Variants in UHMK1 observed in about 807,000 individuals in gnomAD.
The protein encoded by UHMK1 is U2AF homology motif kinase 1.
Under a neutral mutation model 44.0 loss-of-function variants are expected in UHMK1, and 18 were observed. The observed-to-expected ratio is 0.41, with a 90% CI of 0.28 to 0.61. The LOEUF (loss-of-function observed/expected upper bound fraction) is 0.61, where lower values mean the gene tolerates loss of function less well. Among genes scored for constraint, UHMK1 ranks in the 20% least tolerant of loss-of-function variants. The pLI is 0.31. For synonymous variants in UHMK1, 231 were observed against 198.5 expected (o/e 1.16, Z -1.38); for missense variants, 463 against 522.5 (o/e 0.89, Z 1.11).
chr1:162,507,904 A>T, intron 4 of UHMK1, among the ~76,000 whole-genome samples: 1 of 152,020 alleles, frequency 6.6e-6, no homozygotes, highest in East Asian at 1.9e-4. Context: ...ATTTTTAAAA[A>T]TATCCTCCTT....
intron 6 of UHMK1, among the ~76,000 whole-genome samples, chr1:162,516,254 A>C (rs980856724): frequency 1.3e-5 from 2 of 152,232 alleles, no homozygotes; most frequent in Non-Finnish European, 2.9e-5. Flanking sequence ...TACCTTTGTT[A>C]CTTCTGATGA....
chr1:162,498,107 C>G lies in UHMK1; in HGVS notation c.107C>G (p.Ser36Trp). Residue 36 changes from serine (S) to tryptophan (W), a missense_variant, in exon 1 of 8, where the codon TCG becomes TGG. Ser to Trp is a radical substitution (Grantham distance 177). Coordinates refer to ENST00000489294, the MANE Select transcript of UHMK1 (RefSeq NM_175866.5). ...QSRLGSGSSA[S>W]VYRVRCCGNP... The stretch of plus-strand genomic sequence containing the variant: ...CGTCTGGGTAGCGGCTCCTCCGCCT[C>G]GGTGTATCGGGTTCGCTGCTGCGGC... 6.2e-7 allele frequency: 1 copy of G among 1,612,262 alleles called. No individual in the cohort carries two copies. The highest frequency in any genetic ancestry group is 8.5e-7 in the Non-Finnish European group (1 of 1,179,610).
chr1:162,523,083 T>G lies in UHMK1; in HGVS notation c.*533T>G, dbSNP rs1358590746. ...TGTGAATTTTTTCTTAAAGCAGTACTGTAGTACTGAATATTCCTTTAAAGG... is the reference window on the plus strand; with the variant it reads ...TGTGAATTTTTTCTTAAAGCAGTACGGTAGTACTGAATATTCCTTTAAAGG... On this transcript the variant is annotated 3_prime_UTR_variant, in exon 8 of 8. Coordinates refer to ENST00000489294, the MANE Select transcript of UHMK1 (RefSeq NM_175866.5). The G allele has an allele frequency of 6.5e-6, 1 of 153,424 alleles. No individual in the cohort carries two copies. Among genetic ancestry groups the G allele is most frequent in the African/African-American group, 2.4e-5 (1 of 41,448 alleles). The allele number at this position is 153,424 out of a possible 1,614,324, so 9.5% of individuals were successfully genotyped here.
chr1:162,504,227 T>A (rs538882878), intron 4 of UHMK1, among the ~76,000 whole-genome samples: 17 of 152,334 alleles, frequency 1.1e-4, no homozygotes, highest in African/African-American at 3.4e-4. Flanking sequence ...GATAGTTTTT[T>A]ATTATACTTT....
chr1:162,508,093 A>T (rs991287703), intron 4 of UHMK1, among the ~76,000 whole-genome samples: 14 of 151,490 alleles, frequency 9.2e-5, no homozygotes, highest in African/African-American at 3.2e-4. Flanking sequence ...ATCGTTTTTT[A>T]AAAATGTCTA....
chr1:162,507,503 A>T (rs939060217), intron 4 of UHMK1, among the ~76,000 whole-genome samples: 1 of 149,986 alleles, frequency 6.7e-6, no homozygotes, highest in Non-Finnish European at 1.5e-5. Flanking sequence ...CTGGTCTTGA[A>T]CTCAAGTGAC....
At chr1:162,501,300 G>T (rs1047607523) in intron 3 of UHMK1, among the ~76,000 whole-genome samples, 196 bp downstream of exon 3, 2 of 152,070 alleles carry the variant, frequency 1.3e-5, no homozygotes, top group Non-Finnish European at 2.9e-5. Context: ...CTCCTGAGTA[G>T]CTGGGATTAC....
In UHMK1 at chr1:162,498,145, C is replaced by T. The variant is rs767864729; in HGVS notation, c.145C>T (p.Pro49Ser). The stretch of plus-strand genomic sequence containing the variant: ...TCGCTGCTGCGGCAACCCTGGCTCG[C>T]CCCCCGGCGCCCTCAAGCAGTTCTT... ...RVRCCGNPGSPPGALKQFLPP... is the reference protein window; with the variant it reads ...RVRCCGNPGSSPGALKQFLPP... The change falls in exon 1 of 8, where the codon CCC (proline) becomes TCC (serine). Residue 49 changes from proline (P) to serine (S), a missense_variant. By Grantham distance (74) the Pro-to-Ser change is moderately conservative. This residue lies in a region of UHMK1 where 191 missense variants were observed against 176.0 expected (regional missense o/e 1.09). Transcript: ENST00000489294. 2.5e-6 allele frequency: 4 copies of T among 1,612,254 alleles called. No homozygotes were observed. The highest frequency in any genetic ancestry group is 1.7e-6 in the Non-Finnish European group (2 of 1,179,408).
intron 3 of UHMK1, 86 bp downstream of exon 3, chr1:162,501,190 G>A (rs1557939529): frequency 7.4e-7 from 1 of 1,344,234 alleles, no homozygotes; most frequent in Non-Finnish European, 1.0e-6. Context: ...TTTCTTTTGA[G>A]ATGGAGTTTC....
At position 162,522,845 on chromosome 1, in the gene UHMK1, A is replaced by G. The variant is rs1652109449; in HGVS notation, c.*295A>G. 4.3e-6 allele frequency: 1 copy of G among 233,760 alleles called. No homozygotes were observed. The highest frequency in any genetic ancestry group is 8.4e-6 in the Non-Finnish European group (1 of 119,736). 14.5% of individuals were successfully genotyped at this position (233,760 alleles called of 1,614,324 possible). ...TATGTAGCCTAAAAAAATCTTAATT[A>G]TTTCATGGATCATGAAGCAAGGATG... On this transcript the variant is annotated 3_prime_UTR_variant, in exon 8 of 8. Coordinates refer to ENST00000489294, the MANE Select transcript of UHMK1 (RefSeq NM_175866.5).
In UHMK1 at chr1:162,523,076, G is replaced by C. The variant is rs1242828764; in HGVS notation, c.*526G>C. Reference sequence around the variant, plus strand: ...ACTGAGTTGTGAATTTTTTCTTAAAGCAGTACTGTAGTACTGAATATTCCT... The same window carrying C: ...ACTGAGTTGTGAATTTTTTCTTAAACCAGTACTGTAGTACTGAATATTCCT... On this transcript the variant is annotated 3_prime_UTR_variant, in exon 8 of 8. Coordinates refer to ENST00000489294, the MANE Select transcript of UHMK1 (RefSeq NM_175866.5). The C allele has an allele frequency of 6.5e-6, 1 of 154,598 alleles. No individual in the cohort carries two copies. Among genetic ancestry groups the C allele is most frequent in the Non-Finnish European group, 1.4e-5 (1 of 69,240 alleles). The allele number at this position is 154,598 out of a possible 1,614,324, so 9.6% of individuals were successfully genotyped here.
At chr1:162,515,071 A>C (rs1651789484) in intron 6 of UHMK1, among the ~76,000 whole-genome samples, 1 of 152,162 alleles carries the variant, frequency 6.6e-6, no homozygotes, top group Admixed American at 6.5e-5. Flanking sequence ...CTCTTGACCT[A>C]TTTTTAATTT....
chr1:162,514,290 A>G (rs1034907026), intron 6 of UHMK1, among the ~76,000 whole-genome samples: 7 of 135,586 alleles, frequency 5.2e-5, no homozygotes, highest in Non-Finnish European at 1.1e-4. Context: ...CCATCTCTGG[A>G]AAAAAAAAAA....
chr1:162,497,954 C>T lies in UHMK1; in HGVS notation c.-47C>T. 6 of 1,448,394 alleles carry T rather than the reference C, an allele frequency of 4.1e-6. No individual in the cohort carries two copies. The highest frequency in any genetic ancestry group is 1.5e-5 in the South Asian group (1 of 68,624). The allele number at this position is 1,448,394 out of a possible 1,614,324, so 89.7% of individuals were successfully genotyped here. On this transcript the variant is annotated 5_prime_UTR_variant, in exon 1 of 8. Transcript: ENST00000489294. ...GTGACCGCGGGCCCGGCCGGCCTGC[C>T]TCAGGCGTCGCGTCAGCTCCCGTGT...
In UHMK1 at chr1:162,500,096, A is replaced by G. The variant is rs1651212903; in HGVS notation, c.410A>G (p.His137Arg). The G allele has an allele frequency of 1.9e-6, 3 of 1,614,186 alleles. No individual in the cohort carries two copies. Among genetic ancestry groups the G allele is most frequent in the South Asian group, 2.2e-5 (2 of 91,080 alleles). The part of the protein sequence containing the change: ...HQGCSMWMIQ[H>R]CARDVLEALA... ...GGTTGTTCCATGTGGATGATACAGC[A>G]TTGTGCCCGAGATGTTTTGGAGGCC... The change falls in exon 2 of 8, where the codon CAT becomes CGT. Residue 137 changes from histidine (H) to arginine (R), a missense_variant. By Grantham distance (29) the His-to-Arg change is conservative. Coordinates refer to ENST00000489294, the MANE Select transcript of UHMK1 (RefSeq NM_175866.5).
At position 162,525,257 on chromosome 1, in the gene UHMK1, A is replaced by G. The variant is rs979189688; in HGVS notation, c.*2707A>G. On this transcript the variant is annotated 3_prime_UTR_variant, in exon 8 of 8. Coordinates refer to ENST00000489294, the MANE Select transcript of UHMK1 (RefSeq NM_175866.5). Reference sequence around the variant, plus strand: ...ATTAGGATGAAATATATACATAGGGATTTTGGTTTATTGAAGTTATTGAAA... The same window carrying G: ...ATTAGGATGAAATATATACATAGGGGTTTTGGTTTATTGAAGTTATTGAAA... 1 of 152,132 alleles carries G rather than the reference A, an allele frequency of 6.6e-6. No individual in the cohort carries two copies. The highest frequency in any genetic ancestry group is 2.4e-5 in the African/African-American group (1 of 41,438). 9.4% of individuals were successfully genotyped at this position (152,132 alleles called of 1,614,324 possible). A position where few individuals can be genotyped will look rare whatever the true frequency, so the allele number is the denominator to read the frequency against.
At chr1:162,497,409 T>C (rs978819524), upstream of UHMK1, 6 of 616,272 alleles carry the variant, frequency 9.7e-6, no homozygotes, top group Non-Finnish European at 1.8e-5. Flanking sequence ...GGGCTTAGAA[T>C]TGTATTTTCG....
rs138206939 is a variant in UHMK1, at chr1:162,498,053, C to T, written c.53C>T (p.Ala18Val). 4.2e-4 allele frequency: 678 copies of T among 1,604,536 alleles called. No homozygotes were observed. Among genetic ancestry groups the T allele is most frequent in the Non-Finnish European group, 5.0e-4 (586 of 1,174,646 alleles). The change falls in exon 1 of 8, where the codon GCC (alanine) becomes GTC (valine). Residue 18 changes from alanine to valine, a missense_variant. Around this residue, in one of 3 missense-constraint regions of UHMK1, gnomAD observed 191 missense variants for 176.0 expected, o/e 1.09. Transcript: ENST00000489294. ...WGAEPPRFLE[A>V]FGRLWQVQSR... ...GCGGAGCCGCCGCGTTTTCTGGAGGCCTTCGGGCGGCTGTGGCAGGTACAG... is the reference window on the plus strand; with the variant it reads ...GCGGAGCCGCCGCGTTTTCTGGAGGTCTTCGGGCGGCTGTGGCAGGTACAG...
chr1:162,497,346 T>C, upstream of UHMK1: 1 of 697,336 alleles, frequency 1.4e-6, no homozygotes. Context: ...GAACCAGAAT[T>C]TTAGAGTGCC....
Sources: gnomAD v4.1 joint callset for allele counts (sites outside exome capture counted in the v4.1 genomes callset) on GRCh38, gnomAD v4.1.1 for gene constraint, gnomAD v4.1.1 regional missense constraint, MANE v1.5 for transcripts, NCBI Gene and HGNC (gene_info 2026-07-23, HGNC 2026-07-21) for gene names.